TNC: variants seen among roughly 807,000 people sequenced by gnomAD.
TNC encodes the protein tenascin.
In TNC, 109 loss-of-function variants were observed where a neutral mutation model predicts 202.4. That is an observed-to-expected ratio of 0.54 (90% confidence interval 0.46 to 0.63). TNC has a LOEUF of 0.63. Among genes scored for constraint, TNC ranks in the 30% least tolerant of loss-of-function variants. The pLI is 0.00. For synonymous variants in TNC, 1,007 were observed against 1,089.7 expected, an observed-to-expected ratio of 0.92 and a Z score of 1.50; for missense variants, 2,756 against 2,833.3, an observed-to-expected ratio of 0.97 and a Z score of 0.62.
chr9:115,039,782 G>A (rs1830595258), intron 19 of TNC, among the ~76,000 whole-genome samples: 1 of 152,232 alleles, frequency 6.6e-6, no homozygotes, highest in Non-Finnish European at 1.5e-5. Context: ...CCTTTAACTG[G>A]TGATGACAAT....
At chr9:115,098,715 C>T (rs1202905774) in intron 1 of TNC, among the ~76,000 whole-genome samples, 1 of 152,074 alleles carries the variant, frequency 6.6e-6, no homozygotes, top group Non-Finnish European at 1.5e-5. Context: ...AATTTGTTTC[C>T]ACATCATTTT....
intron 1 of TNC, among the ~76,000 whole-genome samples, chr9:115,094,734 T>A (rs1023980410): frequency 1.3e-5 from 2 of 151,802 alleles, no homozygotes; most frequent in African/African-American, 4.8e-5. Flanking sequence ...CAAGGTTGAG[T>A]GGGTCAGGGT....
intron 16 of TNC, among the ~76,000 whole-genome samples, chr9:115,048,059 T>C (rs751842450): frequency 6.6e-6 from 1 of 152,142 alleles, no homozygotes; most frequent in African/African-American, 2.4e-5. Flanking sequence ...TTCGACCTTC[T>C]CATTTCTGGG....
intron 13 of TNC, 103 bp downstream of exon 13, chr9:115,062,814 T>C: frequency 7.5e-7 from 1 of 1,339,872 alleles, no homozygotes; most frequent in Non-Finnish European, 1.0e-6. Context: ...ACGCTGTCTG[T>C]CAACAACATT....
chr9:115,023,876 C>T (rs1023810999), intron 27 of TNC, 97 bp downstream of exon 27: 8 of 1,399,270 alleles, frequency 5.7e-6, no homozygotes, highest in Non-Finnish European at 7.9e-6. Context: ...GTTCCTGCCT[C>T]CTAGTCTCTG....
chr9:115,038,131 TG>T, intron 20 of TNC, 129 bp downstream of exon 20: 3 of 1,253,920 alleles, frequency 2.4e-6, no homozygotes, highest in Non-Finnish European at 3.3e-6. Flanking sequence ...TGAACATTAC[TG>T]GCCTTTTCAA....
chr9:115,042,446 T>C, intron 17 of TNC, 105 bp from the exon 18 acceptor site: 2 of 1,479,644 alleles, frequency 1.4e-6, no homozygotes, highest in Admixed American at 2.0e-5. Flanking sequence ...GCCTAGAATT[T>C]GTGTCTGAGC....
chr9:115,097,183 T>C (rs1266840794), intron 1 of TNC, among the ~76,000 whole-genome samples: 1 of 152,210 alleles, frequency 6.6e-6, no homozygotes, highest in East Asian at 1.9e-4. Context: ...TCTATCACTT[T>C]AGCAGCTGCT....
Position 115,049,908 on chromosome 9 carries a change from AT to A in TNC, c.4580-1377del, listed in dbSNP as rs201423842. On this transcript the variant is annotated intron_variant, in intron 15 of 27. Transcript: ENST00000350763. ...GGGAATGAATACCTTCATTTTGTAAATAGAGATTTAAATTTTGCTGTGGCTT... is the reference window on the plus strand; with the variant it reads ...GGGAATGAATACCTTCATTTTGTAAAAGAGATTTAAATTTTGCTGTGGCTT... 4.7e-3 allele frequency among the ~76,000 whole-genome samples: 713 copies of A among 152,314 alleles called. 5 individuals carry two copies. Among genetic ancestry groups the A allele is most frequent in the African/African-American group, 0.016 (674 of 41,566 alleles).
rs145554864 is a variant in TNC at position 115,059,821 on chromosome 9, C to T, written c.4215G>A (p.Pro1405=). 12 of 1,614,072 alleles carry T rather than the reference C, an allele frequency of 7.4e-6. No individual in the cohort carries two copies. The highest frequency in any genetic ancestry group is 1.3e-5 in the African/African-American group (1 of 75,028). ...LPGSLRAVDI[P]GLEAATPYRV... The stretch of plus-strand genomic sequence containing the variant: ...TATAAGGCGTGGCAGCCTCGAGGCC[C>T]GGGATGTCCACAGCCCTGAGGCTGC... Residue 1405 remains proline (P), a synonymous_variant, in exon 14 of 28, where the codon CCG becomes CCA. Coordinates refer to ENST00000350763, the MANE Select transcript of TNC (RefSeq NM_002160.4).
chr9:115,072,352 G>A (rs1282592630), intron 10 of TNC, among the ~76,000 whole-genome samples: 1 of 152,172 alleles, frequency 6.6e-6, no homozygotes, highest in Non-Finnish European at 1.5e-5. Context: ...GAAGCAGCCT[G>A]GGTGCCTGAC....
intron 1 of TNC, among the ~76,000 whole-genome samples, chr9:115,099,890 T>C (rs1203459353): frequency 3.3e-5 from 5 of 152,214 alleles, no homozygotes; most frequent in Admixed American, 2.6e-4. Flanking sequence ...AGTATTTCAA[T>C]TTGTCAAGTA....
chr9:115,087,070 A>G lies in TNC; in HGVS notation c.661T>C (p.Cys221Arg), dbSNP rs1207162192. 1 of 1,613,562 alleles carries G rather than the reference A, an allele frequency of 6.2e-7. No individual in the cohort carries two copies. Among genetic ancestry groups the G allele is most frequent in the Non-Finnish European group, 8.5e-7 (1 of 1,179,550 alleles). The change falls in exon 3 of 28, where the codon TGC (cysteine) becomes CGC (arginine). Residue 221 changes from cysteine (C) to arginine (R), a missense_variant. By Grantham distance (180) the Cys-to-Arg change is radical (BLOSUM62 -3). Transcript: ENST00000350763. ...CCCTGGTCATTGCAGTCGCTGGGGC[A>G]AGCCAGCTGGCTGCAGTCCTCGCCC... ...FTGEDCSQLA[C>R]PSDCNDQGKC...
At chr9:115,095,557 T>C (rs1455047531) in intron 1 of TNC, among the ~76,000 whole-genome samples, 1 of 1,652 alleles carries the variant, frequency 6.1e-4, no homozygotes, top group Non-Finnish European at 1.2e-3. Flanking sequence ...TATATATATG[T>C]ATATATATGT....
At chr9:115,081,623 G>A in intron 6 of TNC, 149 bp downstream of exon 6, 1 of 897,700 alleles carries the variant, frequency 1.1e-6, no homozygotes, top group Non-Finnish European at 1.7e-6. Flanking sequence ...GCAAAGAATT[G>A]TTATTTTAAA....
intron 13 of TNC, 122 bp downstream of exon 13, chr9:115,062,795 T>C (rs1401572547): frequency 1.7e-6 from 2 of 1,160,644 alleles, no homozygotes; most frequent in African/African-American, 3.1e-5. Context: ...CTTCCTGAGT[T>C]AGAGATTCAC....
In TNC at chr9:115,057,113, G is replaced by A. The variant is rs1033052416; in HGVS notation, c.4579+40C>T. The A allele has an allele frequency of 1.1e-5, 18 of 1,576,292 alleles. No homozygotes were observed. The African/African-American group carries it at 2.4e-4, about 21-fold the overall frequency. On this transcript the variant is annotated intron_variant, in intron 15 of 27. Coordinates refer to ENST00000350763, the MANE Select transcript of TNC (RefSeq NM_002160.4). ...GAGGCTTCACCCTGCAAAGAAGACT[G>A]TGGAGAGAGTGCGTTAGAAATGGGA...
chr9:115,095,824 ACATAT>A (rs1835750431), intron 1 of TNC, among the ~76,000 whole-genome samples: 1 of 150,478 alleles, frequency 6.6e-6, no homozygotes, highest in Non-Finnish European at 1.5e-5. Flanking sequence ...ATATATTATT[ACATAT>A]CATATTATAT....
intron 1 of TNC, among the ~76,000 whole-genome samples, chr9:115,105,736 C>T (rs974617109): frequency 2.0e-5 from 3 of 152,222 alleles, no homozygotes; most frequent in Admixed American, 6.5e-5. Flanking sequence ...ATCTACAACA[C>T]GTTGATAGGT....
Sources: gnomAD v4.1 joint callset for allele counts (sites outside exome capture counted in the v4.1 genomes callset) on GRCh38, gnomAD v4.1.1 for gene constraint, MANE v1.5 for transcripts, NCBI Gene and HGNC (gene_info 2026-07-23, HGNC 2026-07-21) for gene names.